MAP3K7: variants seen among roughly 807,000 people sequenced by gnomAD.
MAP3K7 encodes mitogen-activated protein kinase kinase kinase 7.
Under a neutral mutation model 84.8 loss-of-function variants are expected in MAP3K7, and 21 were observed. The observed-to-expected ratio is 0.25, with a 90% CI of 0.18 to 0.36. MAP3K7 has a LOEUF of 0.36. Ranked by LOEUF, MAP3K7 falls within the 10% of genes least tolerant of loss-of-function variation. The pLI is 1.00. For missense variants in MAP3K7, 503 were observed against 747.7 expected, an observed-to-expected ratio of 0.67 and a Z score of 3.82; for synonymous variants, 241 against 247.7, an observed-to-expected ratio of 0.97 and a Z score of 0.25.
chr6:90,585,842 A>T (rs1279698054), intron 1 of MAP3K7, among the ~76,000 whole-genome samples: 1 of 152,230 alleles, frequency 6.6e-6, no homozygotes, highest in African/African-American at 2.4e-5. Flanking sequence ...TTTTGATCGT[A>T]GACCAGTCTA....
intron 13 of MAP3K7, among the ~76,000 whole-genome samples, chr6:90,524,154 G>T (rs1171112148): frequency 3.3e-5 from 5 of 152,104 alleles, no homozygotes; most frequent in Admixed American, 2.0e-4. Flanking sequence ...GCCTTTGTAG[G>T]ATGGAAGTAA....
rs755674001 is a variant in MAP3K7, at chr6:90,553,493, C to A, written c.701G>T (p.Gly234Val). 6.2e-7 allele frequency: 1 copy of A among 1,613,974 alleles called. No individual in the cohort carries two copies. ...AGCCCACATGATTCGGAAAGCTGGGCCACCAATCTCATCAAAGGGTTTCCG... is the reference window on the plus strand; with the variant it reads ...AGCCCACATGATTCGGAAAGCTGGGACACCAATCTCATCAAAGGGTTTCCG... ...TRRKPFDEIG[G>V]PAFRIMWAVH... Residue 234 changes from glycine to valine, a missense_variant, in exon 7 of 17, where the codon GGC becomes GTC. Gly to Val is a moderately radical substitution (Grantham distance 109). Transcript: ENST00000369329.
At chr6:90,552,214 G>A (rs767908329) in intron 7 of MAP3K7, 35 bp from the exon 8 acceptor site, 2 of 1,570,086 alleles carry the variant, frequency 1.3e-6, no homozygotes, top group Non-Finnish European at 1.7e-6. Flanking sequence ...GGGGAAGAAT[G>A]TATTTACCCA....
intron 2 of MAP3K7, among the ~76,000 whole-genome samples, chr6:90,570,017 T>C (rs1229208113): frequency 2.6e-5 from 4 of 152,124 alleles, no homozygotes; most frequent in African/African-American, 4.8e-5. Flanking sequence ...AGAATTAGTA[T>C]CACTATTTAT....
chr6:90,523,124 G>A (rs1775206959), intron 14 of MAP3K7, among the ~76,000 whole-genome samples: 1 of 152,008 alleles, frequency 6.6e-6, no homozygotes, highest in African/African-American at 2.4e-5. Flanking sequence ...TTCATGTTGG[G>A]GAGCTTTAAT....
Position 90,516,586 on chromosome 6 carries a change from T to C in MAP3K7, c.1736A>G (p.Lys579Arg), listed in dbSNP as rs193156060. 6.2e-6 allele frequency: 10 copies of C among 1,612,790 alleles called. No individual in the cohort carries two copies. Among genetic ancestry groups the C allele is most frequent in the Admixed American group, 3.3e-5 (2 of 59,890 alleles). Residue 579 changes from lysine to arginine, a missense_variant, in exon 17 of 17, where the codon AAA becomes AGA. By Grantham distance (26) the Lys-to-Arg change is conservative. This residue lies in a region of MAP3K7 where 43 missense variants were observed against 47.3 expected (regional missense o/e 0.91). Coordinates refer to ENST00000369329, the MANE Select transcript of MAP3K7 (RefSeq NM_145331.3). ...QEHKKLLDEN[K>R]SLSTYYQQCK... ...TTGCTGGTAGTAAGTAGAAAGGCTT[T>C]TGTTTTCATCTAAAAGCTTTTTATG... is the stretch of plus-strand genomic sequence containing the variant.
chr6:90,554,752 A>G (rs1776283550), intron 6 of MAP3K7, among the ~76,000 whole-genome samples: 1 of 152,210 alleles, frequency 6.6e-6, no homozygotes, highest in Non-Finnish European at 1.5e-5. Context: ...ATTTTAACTC[A>G]CATAAAGGTA....
chr6:90,578,339 C>T (rs759789265), intron 1 of MAP3K7, among the ~76,000 whole-genome samples: 1 of 152,184 alleles, frequency 6.6e-6, no homozygotes, highest in Non-Finnish European at 1.5e-5. Context: ...GTGGCGCGAT[C>T]TCAGCTCACT....
In MAP3K7 at chr6:90,516,542, C is replaced by T. The variant is rs746056485; in HGVS notation, c.1780G>A (p.Val594Ile). 10 of 1,612,234 alleles carry T rather than the reference C, an allele frequency of 6.2e-6. No homozygotes were observed. In the African/African-American group the frequency reaches 8.0e-5, roughly 13 times the overall value. ...YYQQCKKQLEVIRSQQQKRQG... is the reference protein window; with the variant it reads ...YYQQCKKQLEIIRSQQQKRQG... Reference sequence around the variant, plus strand: ...CGTTTCTGCTGCTGACTTCTGATGACCTCTAGTTGTTTTTTGCATTGCTGG... The same window carrying T: ...CGTTTCTGCTGCTGACTTCTGATGATCTCTAGTTGTTTTTTGCATTGCTGG... The change falls in exon 17 of 17, where the codon GTC becomes ATC. Residue 594 changes from valine to isoleucine, a missense_variant. Physicochemically the swap from Val to Ile is conservative, Grantham distance 29 (BLOSUM62 3). Coordinates refer to ENST00000369329, the MANE Select transcript of MAP3K7 (RefSeq NM_145331.3).
At chr6:90,541,667 A>G (rs1775859098) in intron 12 of MAP3K7, among the ~76,000 whole-genome samples, 1 of 152,026 alleles carries the variant, frequency 6.6e-6, no homozygotes, top group Non-Finnish European at 1.5e-5. Context: ...TAATTTCTGT[A>G]TGATCTGAGA....
At chr6:90,553,874 T>C (rs1172387026) in intron 6 of MAP3K7, among the ~76,000 whole-genome samples, 5 of 152,248 alleles carry the variant, frequency 3.3e-5, no homozygotes, top group African/African-American at 2.4e-5. Flanking sequence ...TTGACTTTTA[T>C]GTATTTAGAC....
rs573540823 is a variant in MAP3K7, at chr6:90,533,994, T to C, written c.1356+2343A>G. ...ATGCAATCTTTTACACCTATACTTA[T>C]ATCATTACTTTTAATTAAGAAGCTT... On this transcript the variant is annotated intron_variant, in intron 13 of 16. Transcript: ENST00000369329. Among the ~76,000 whole-genome samples, 4 of 152,350 alleles carry C rather than the reference T, an allele frequency of 2.6e-5. No individual in the cohort carries two copies. In the East Asian group the frequency reaches 7.7e-4, roughly 29 times the overall value.
At chr6:90,586,694 G>C in intron 1 of MAP3K7, 70 bp downstream of exon 1, 1 of 1,531,368 alleles carries the variant, frequency 6.5e-7, no homozygotes, top group East Asian at 2.5e-5. Context: ...GGCACCTTCA[G>C]AGCCGGCACC....
At chr6:90,583,067 G>C (rs1777331355) in intron 1 of MAP3K7, among the ~76,000 whole-genome samples, 1 of 152,006 alleles carries the variant, frequency 6.6e-6, no homozygotes, top group Non-Finnish European at 1.5e-5. Flanking sequence ...ACTTTCAGTA[G>C]TGACGGGGTT....
chr6:90,562,330 G>A (rs529306117), intron 3 of MAP3K7, among the ~76,000 whole-genome samples: 1 of 152,280 alleles, frequency 6.6e-6, no homozygotes, highest in Non-Finnish European at 1.5e-5. Flanking sequence ...CTAGACAAGG[G>A]AAGCTGTGAC....
chr6:90,574,183 C>G (rs937738074), intron 1 of MAP3K7, among the ~76,000 whole-genome samples: 1 of 152,188 alleles, frequency 6.6e-6, no homozygotes, highest in Non-Finnish European at 1.5e-5. Context: ...TAAGTTAAAA[C>G]CAGGTATTTC....
At chr6:90,579,573 C>T (rs942886321) in intron 1 of MAP3K7, among the ~76,000 whole-genome samples, 2 of 152,190 alleles carry the variant, frequency 1.3e-5, no homozygotes, top group Non-Finnish European at 2.9e-5. Flanking sequence ...GTCCTACAGG[C>T]TTATTAAGTT....
Position 90,514,025 on chromosome 6 carries a change from A to G in MAP3K7, c.*2476T>C, listed in dbSNP as rs1278938464. Reference sequence around the variant, plus strand: ...ACGAATACTTCCCTCTAGATTAGATAAAAGCTTGCTTTCTTTTCCTGGAGT... The same window carrying G: ...ACGAATACTTCCCTCTAGATTAGATGAAAGCTTGCTTTCTTTTCCTGGAGT... On this transcript the variant is annotated 3_prime_UTR_variant, in exon 17 of 17. Transcript: ENST00000369329. 1 of 150,628 alleles carries G rather than the reference A, an allele frequency of 6.6e-6. No homozygotes were observed. 9.3% of individuals were successfully genotyped at this position (150,628 alleles called of 1,614,324 possible).
chr6:90,516,821 T>A, intron 16 of MAP3K7, 140 bp from the exon 17 acceptor site: 1 of 608,654 alleles, frequency 1.6e-6, no homozygotes, highest in East Asian at 2.9e-5. Flanking sequence ...AATATAATTA[T>A]GGGCTGGGAT....
Sources: allele counts gnomAD v4.1 joint callset (sites outside exome capture counted in the v4.1 genomes callset), GRCh38; gene constraint gnomAD v4.1.1; regional missense constraint gnomAD v4.1.1; transcripts MANE v1.5; gene names NCBI Gene and HGNC (gene_info 2026-07-23, HGNC 2026-07-21).